PRKAR1B: variants seen among roughly 807,000 people sequenced by gnomAD.
PRKAR1B encodes the protein protein kinase cAMP-dependent type I regulatory subunit beta.
A neutral mutation model predicts 46.5 loss-of-function variants in PRKAR1B; 22 were observed. The observed-to-expected ratio is 0.47, with a 90% CI of 0.34 to 0.68. The LOEUF is 0.68. PRKAR1B is among the 30% of genes least tolerant of loss of function. The pLI is 0.01. For synonymous variants in PRKAR1B, 259 were observed against 217.7 expected (o/e 1.19, Z -1.67); for missense variants, 445 against 535.6 (o/e 0.83, Z 1.67).
Position 711,351 on chromosome 7 carries a change from TC to T in PRKAR1B, c.154del (p.Glu52SerfsTer40). ...KPERPMKFLR[E>X]HFEKLEKEEN... ...CACCTTCTCCAGCTTCTCGAAGTGC[TC>T]CCGGAGGAACTTCATGGGGCGTTCG... On this transcript the variant is annotated frameshift_variant, in exon 2 of 11. Transcript: ENST00000537384. LOFTEE classifies it high-confidence loss of function. 6.2e-7 allele frequency: 1 copy of T among 1,614,144 alleles called. No homozygotes were observed. The highest frequency in any genetic ancestry group is 1.1e-5 in the South Asian group (1 of 91,080).
At chr7:623,003 A>T (rs1783194801) in intron 4 of PRKAR1B, among the ~76,000 whole-genome samples, 1 of 151,994 alleles carries the variant, frequency 6.6e-6, no homozygotes, top group Non-Finnish European at 1.5e-5. Flanking sequence ...AGTGGCCTAA[A>T]CCCTTGGGCA....
intron 2 of PRKAR1B, among the ~76,000 whole-genome samples, chr7:686,118 G>A (rs965830121): frequency 1.3e-5 from 2 of 152,040 alleles, no homozygotes; most frequent in Admixed American, 1.3e-4. Flanking sequence ...GGCTAACACA[G>A]TGAAACCCCG....
chr7:576,876 G>A (rs367901787), intron 9 of PRKAR1B, among the ~76,000 whole-genome samples: 14 of 152,134 alleles, frequency 9.2e-5, no homozygotes, highest in South Asian at 2.1e-4. Context: ...GGTCTCCAGC[G>A]AAACACACAC....
At chr7:576,983 GCCATCAGCGGCCTCATCCAACT>G (rs1297718691) in intron 9 of PRKAR1B, among the ~76,000 whole-genome samples, 8 of 150,576 alleles carry the variant, frequency 5.3e-5, no homozygotes, top group Non-Finnish European at 1.0e-4. Context: ...CTCGTCCAAC[GCCATCAGCGGCCTCATCCAACT>G]CCATCAGTCG....
At chr7:600,651 G>C (rs1469016127) in intron 6 of PRKAR1B, among the ~76,000 whole-genome samples, 2 of 152,214 alleles carry the variant, frequency 1.3e-5, no homozygotes, top group Non-Finnish European at 2.9e-5. Flanking sequence ...CCCCAGACGT[G>C]TTGTGTGAAA....
intron 4 of PRKAR1B, among the ~76,000 whole-genome samples, chr7:637,996 T>C (rs987670842): frequency 5.3e-5 from 8 of 152,190 alleles, no homozygotes; most frequent in African/African-American, 1.4e-4. Flanking sequence ...GAGTGTGTCC[T>C]CTTCCTATGG....
At chr7:677,915 T>C (rs1373305749) in intron 3 of PRKAR1B, among the ~76,000 whole-genome samples, 2 of 152,198 alleles carry the variant, frequency 1.3e-5, no homozygotes, top group African/African-American at 4.8e-5. Flanking sequence ...TACAAATCTG[T>C]ACAGGATGTG....
At chr7:680,758 T>C (rs779437443) in intron 2 of PRKAR1B, 32 bp from the exon 3 acceptor site, 1 of 1,612,996 alleles carries the variant, frequency 6.2e-7, no homozygotes, top group East Asian at 2.2e-5. Context: ...AGAAAGGAAG[T>C]AAGAACCTGG....
At chr7:685,381 C>CATAT (rs1370202599) in intron 2 of PRKAR1B, among the ~76,000 whole-genome samples, 1 of 14,372 alleles carries the variant, frequency 7.0e-5, no homozygotes, top group Admixed American at 1.1e-3. Context: ...TATATATATA[C>CATAT]ATACATATAT....
intron 4 of PRKAR1B, among the ~76,000 whole-genome samples, chr7:651,376 C>G (rs1784894684): frequency 6.6e-6 from 1 of 152,228 alleles, no homozygotes; most frequent in Non-Finnish European, 1.5e-5. Flanking sequence ...GGAAAGGACC[C>G]CGAAACACAT....
chr7:700,544 A>T (rs1349277587), intron 2 of PRKAR1B, among the ~76,000 whole-genome samples: 1 of 152,194 alleles, frequency 6.6e-6, no homozygotes, highest in Non-Finnish European at 1.5e-5. Flanking sequence ...CAAGCTTCAG[A>T]TGCTAGAGAT....
chr7:674,135 T>C (rs1319159129), intron 4 of PRKAR1B, among the ~76,000 whole-genome samples: 1 of 152,152 alleles, frequency 6.6e-6, no homozygotes, highest in Non-Finnish European at 1.5e-5. Flanking sequence ...CACATCCAGG[T>C]CCCAGAGACT....
chr7:706,842 C>T (rs1780358276), intron 2 of PRKAR1B, among the ~76,000 whole-genome samples: 1 of 152,210 alleles, frequency 6.6e-6, no homozygotes, highest in East Asian at 1.9e-4. Context: ...TCCCTGCTGG[C>T]CTGTGTTTTA....
At chr7:618,430 A>G (rs1171715789) in intron 4 of PRKAR1B, among the ~76,000 whole-genome samples, 1 of 152,160 alleles carries the variant, frequency 6.6e-6, no homozygotes, top group Non-Finnish European at 1.5e-5. Flanking sequence ...TTGCTATAAG[A>G]TACTTGAGGT....
intron 1 of PRKAR1B, chr7:726,854 G>A (rs1160916857): frequency 3.8e-6 from 5 of 1,318,848 alleles, no homozygotes; most frequent in African/African-American, 1.5e-5. Context: ...AGCAAGCCGG[G>A]CCGGCGGCGC....
intron 4 of PRKAR1B, among the ~76,000 whole-genome samples, chr7:650,343 C>A (rs915115808): frequency 6.6e-6 from 1 of 152,166 alleles, no homozygotes; most frequent in Non-Finnish European, 1.5e-5. Context: ...AAAACCACAG[C>A]CCCCAGAGCC....
intron 2 of PRKAR1B, among the ~76,000 whole-genome samples, chr7:697,392 C>A (rs1374053467): frequency 5.9e-5 from 9 of 152,128 alleles, no homozygotes; most frequent in Non-Finnish European, 1.3e-4. Context: ...TGTGGGGACA[C>A]AGCCTGCCCC....
chr7:625,675 C>T (rs1039294520), intron 4 of PRKAR1B, among the ~76,000 whole-genome samples: 15 of 152,222 alleles, frequency 9.9e-5, no homozygotes, highest in Non-Finnish European at 1.6e-4. Flanking sequence ...GACACCACTA[C>T]AGGTCCTATG....
intron 4 of PRKAR1B, among the ~76,000 whole-genome samples, chr7:661,471 C>G (rs1294499447): frequency 9.0e-6 from 1 of 111,516 alleles, no homozygotes; most frequent in Non-Finnish European, 1.8e-5. Flanking sequence ...GGCACAGTTC[C>G]CCACCACAAC....
Sources: allele counts gnomAD v4.1 joint callset (sites outside exome capture counted in the v4.1 genomes callset), GRCh38; gene constraint gnomAD v4.1.1; transcripts MANE v1.5; gene names NCBI Gene and HGNC (gene_info 2026-07-23, HGNC 2026-07-21).